JRK: variants seen among roughly 807,000 people sequenced by gnomAD.
JRK encodes the protein jerky protein homolog.
For missense variants in JRK, 720 were observed against 509.2 expected (o/e 1.41, Z -3.98); for synonymous variants, 303 against 218.1 (o/e 1.39, Z -3.43).
At chr8:142,654,312 G>A (rs1846711894), downstream of JRK, among the ~76,000 whole-genome samples, 1 of 152,072 alleles carries the variant, frequency 6.6e-6, no homozygotes, top group Admixed American at 6.5e-5. Context: ...GGGAGATTCT[G>A]GGCTTACAAA....
chr8:142,647,453 G>A, the JRK span, among the ~76,000 whole-genome samples: 2 of 152,156 alleles, frequency 1.3e-5, no homozygotes, highest in Non-Finnish European at 2.9e-5. Flanking sequence ...CCTGGTGGGA[G>A]GTAATTGAAT....
chr8:142,669,149 C>G (rs1287358655), intron 1 of JRK, among the ~76,000 whole-genome samples: 1 of 146,858 alleles, frequency 6.8e-6, no homozygotes, highest in Non-Finnish European at 1.5e-5. Context: ...GGGAAACAAC[C>G]TTCGCAGGGG....
chr8:142,663,126 C>T lies in JRK; in HGVS notation c.*1226G>A. 2 of 975,664 alleles carry T rather than the reference C, an allele frequency of 2.0e-6. No homozygotes were observed. The highest frequency in any genetic ancestry group is 2.4e-6 in the Non-Finnish European group (2 of 821,170). The allele number at this position is 975,664 out of a possible 1,614,324, so 60.4% of individuals were successfully genotyped here. On this transcript the variant is annotated 3_prime_UTR_variant, in exon 2 of 2. Coordinates refer to ENST00000612905, the MANE Select transcript of JRK (RefSeq NM_003724.4). ...TGGGATCACACCACTTCACTCCAGC[C>T]TGGTCAACAGAGTGAGACCCTGCCT...
chr8:142,665,425 C>A lies in JRK; in HGVS notation c.634G>T (p.Gly212Cys), dbSNP rs782353541. Reference sequence around the variant, plus strand: ...ATCAGCACGGTCAGCCGGTCCTTGCCCTGCTTGGGGCCAGGCACAGCCCCG... The same window carrying A: ...ATCAGCACGGTCAGCCGGTCCTTGCACTGCTTGGGGCCAGGCACAGCCCCG... ...EGGAVPGPKQ[G>C]KDRLTVLMCA... The change falls in exon 2 of 2, where the codon GGC becomes TGC. Residue 212 changes from glycine (G) to cysteine (C), a missense_variant. Transcript: ENST00000612905. 1.4e-6 allele frequency: 1 copy of A among 717,778 alleles called. No individual in the cohort carries two copies. Among genetic ancestry groups the A allele is most frequent in the South Asian group, 1.5e-5 (1 of 67,590 alleles). The allele number at this position is 717,778 out of a possible 1,614,324, so 44.5% of individuals were successfully genotyped here.
At chr8:142,643,745 A>G in the JRK span, among the ~76,000 whole-genome samples, 5,206 of 152,348 alleles carry the variant, frequency 0.034, 125 homozygotes, top group Middle Eastern at 0.078. Context: ...AAAGCACACC[A>G]TTCCAGTCAA....
At chr8:142,645,980 C>T in the JRK span, among the ~76,000 whole-genome samples, 1 of 140,306 alleles carries the variant, frequency 7.1e-6, no homozygotes, top group Admixed American at 7.8e-5. Context: ...AAATTGCTCA[C>T]CTTTTTTTAA....
At position 142,659,429 on chromosome 8, in the gene JRK, T is replaced by G. The variant is rs1846843880; in HGVS notation, c.*4923A>C. ...GGGCTACCTGCAGACATAGAGGGCC[T>G]TTGAGCACCTCGTAGCTTGCTTCCC... is the stretch of plus-strand genomic sequence containing the variant. On this transcript the variant is annotated 3_prime_UTR_variant, in exon 2 of 2. Coordinates refer to ENST00000612905, the MANE Select transcript of JRK (RefSeq NM_003724.4). The G allele has an allele frequency of 1.0e-6, 1 of 986,370 alleles. No homozygotes were observed. Among genetic ancestry groups the G allele is most frequent in the South Asian group, 4.7e-5 (1 of 21,354 alleles). The allele number at this position is 986,370 out of a possible 1,614,324, so 61.1% of individuals were successfully genotyped here.
In JRK at chr8:142,665,926, A is replaced by G; in HGVS notation, c.133T>C (p.Tyr45His). ...TAGAGGGTGGACATGCCCACATTGT[A>G]CTCCTGCATCAGTGCCTTCCGGCTC... is the stretch of plus-strand genomic sequence containing the variant. ...GESRKALMQEYNVGMSTLYDI... is the reference protein window; with the variant it reads ...GESRKALMQEHNVGMSTLYDI... Residue 45 changes from tyrosine (Y) to histidine (H), a missense_variant, in exon 2 of 2, where the codon TAC (tyrosine) becomes CAC (histidine). Coordinates refer to ENST00000612905, the MANE Select transcript of JRK (RefSeq NM_003724.4). The G allele has an allele frequency of 1.2e-6, 1 of 814,348 alleles. No homozygotes were observed. The highest frequency in any genetic ancestry group is 2.2e-6 in the Non-Finnish European group (1 of 449,236). The allele number at this position is 814,348 out of a possible 1,614,324, so 50.4% of individuals were successfully genotyped here. A position where few individuals can be genotyped will look rare whatever the true frequency, so the allele number is the denominator to read the frequency against.
At chr8:142,654,153 C>G (rs1846709590), downstream of JRK, among the ~76,000 whole-genome samples, 1 of 152,118 alleles carries the variant, frequency 6.6e-6, no homozygotes, top group Admixed American at 6.5e-5. Context: ...AGGGGAGGAG[C>G]AGCAGGAAGG....
intron 1 of JRK, among the ~76,000 whole-genome samples, chr8:142,669,659 G>A (rs1847261019): frequency 6.6e-6 from 1 of 151,890 alleles, no homozygotes. Context: ...GCAAGGGGTG[G>A]GTGCGGCTCG....
rs1554634216 is a variant in JRK, at chr8:142,659,395, T to G, written c.*4957A>C. On this transcript the variant is annotated 3_prime_UTR_variant, in exon 2 of 2. Transcript: ENST00000612905. ...AAGGAGGCCCAACGATCCTCGCCTG[T>G]GTGGGACGGGGCTACCTGCAGACAT... is the stretch of plus-strand genomic sequence containing the variant. 1.0e-6 allele frequency: 1 copy of G among 988,190 alleles called. No homozygotes were observed. The highest frequency in any genetic ancestry group is 1.7e-5 in the African/African-American group (1 of 57,306). 61.2% of individuals were successfully genotyped at this position (988,190 alleles called of 1,614,324 possible). A position where few individuals can be genotyped will look rare whatever the true frequency, so the allele number is the denominator to read the frequency against.
Position 142,658,999 on chromosome 8 carries a change from T to C in JRK, c.*5353A>G, listed in dbSNP as rs963128051. On this transcript the variant is annotated 3_prime_UTR_variant, in exon 2 of 2. Transcript: ENST00000612905. ...GAGGAGCGTCAGTATGTCCACACCA[T>C]AGGGGTGTAGTCACTTCCCTCTGCC... is the stretch of plus-strand genomic sequence containing the variant. The C allele has an allele frequency of 5.7e-6, 9 of 1,574,232 alleles. No homozygotes were observed. The South Asian group carries it at 5.8e-5, about 10-fold the overall frequency.
the JRK span, among the ~76,000 whole-genome samples, chr8:142,645,869 A>C: frequency 6.6e-6 from 1 of 152,124 alleles, no homozygotes; most frequent in South Asian, 2.1e-4. Flanking sequence ...TTTCTTACCA[A>C]AGTAAAACCC....
At chr8:142,669,564 G>A (rs1847256630) in intron 1 of JRK, among the ~76,000 whole-genome samples, 2 of 152,176 alleles carry the variant, frequency 1.3e-5, no homozygotes, top group South Asian at 4.1e-4. Flanking sequence ...GGTTTTTTAA[G>A]GGCAAGCGGA....
chr8:142,665,063 C>G lies in JRK; in HGVS notation c.996G>C (p.Glu332Asp), dbSNP rs587680512. ...TCATGAAATCTCTCCGAATGCCCTG[C>G]TCCATGGGCTGCACCAATGAGGCCA... ...ASVASLVQPM[E>D]QGIRRDFMRN... is the part of the protein sequence containing the mutation. The change falls in exon 2 of 2, where the codon GAG becomes GAC. Residue 332 changes from glutamate to aspartate, a missense_variant. Coordinates refer to ENST00000612905, the MANE Select transcript of JRK (RefSeq NM_003724.4). 1.3e-5 allele frequency: 9 copies of G among 717,574 alleles called. No homozygotes were observed. The South Asian group carries it at 1.3e-4, about 11-fold the overall frequency. The allele number at this position is 717,574 out of a possible 1,614,324, so 44.5% of individuals were successfully genotyped here. A position where few individuals can be genotyped will look rare whatever the true frequency, so the allele number is the denominator to read the frequency against.
At position 142,660,916 on chromosome 8, in the gene JRK, T is replaced by TGG. The variant is rs1296821384; in HGVS notation, c.*3434_*3435dup. 49 of 985,296 alleles carry TGG rather than the reference T, an allele frequency of 5.0e-5. No individual in the cohort carries two copies. The highest frequency in any genetic ancestry group is 5.5e-5 in the Non-Finnish European group (46 of 829,980). The allele number at this position is 985,296 out of a possible 1,614,324, so 61.0% of individuals were successfully genotyped here. A position where few individuals can be genotyped will look rare whatever the true frequency, so the allele number is the denominator to read the frequency against. On this transcript the variant is annotated 3_prime_UTR_variant, in exon 2 of 2. Transcript: ENST00000612905. Reference sequence around the variant, plus strand: ...GAACCTCCTCCAAATGGACTTTAACTGGGGACAACTGATGACAGTCCTCCA... The same window carrying TGG: ...GAACCTCCTCCAAATGGACTTTAACTGGGGGGACAACTGATGACAGTCCTCCA...
chr8:142,643,721 T>C, the JRK span, among the ~76,000 whole-genome samples: 3 of 152,188 alleles, frequency 2.0e-5, no homozygotes, highest in Non-Finnish European at 2.9e-5. Flanking sequence ...AAGTCAAGTT[T>C]GATTCCTTAA....
intron 1 of JRK, among the ~76,000 whole-genome samples, chr8:142,669,195 T>TGTGTGTGTGC (rs1375565668): frequency 3.2e-5 from 2 of 63,084 alleles, no homozygotes; most frequent in South Asian, 7.5e-4. Context: ...TGTGTGTGTG[T>TGTGTGTGTGC]GTGTGCGTGT....
chr8:142,667,397 GGCCGCAGA>G (rs1847161331), intron 1 of JRK, among the ~76,000 whole-genome samples: 1 of 151,412 alleles, frequency 6.6e-6, no homozygotes, highest in African/African-American at 2.4e-5. Context: ...ACCACGGCAG[GGCCGCAGA>G]GCCTGCCAGA....
Sources: gnomAD v4.1 joint callset for allele counts (sites outside exome capture counted in the v4.1 genomes callset) on GRCh38, gnomAD v4.1.1 for gene constraint, MANE v1.5 for transcripts, NCBI Gene and HGNC (gene_info 2026-07-23, HGNC 2026-07-21) for gene names.